Variants in USH2A observed in about 807,000 individuals in gnomAD.
USH2A encodes Usher syndrome 2A (autosomal recessive, mild).
Under a neutral mutation model 538.9 loss-of-function variants are expected in USH2A, and 443 were observed. The ratio of observed to expected loss-of-function variants is 0.82; its 90% CI spans 0.76 to 0.89. The LOEUF (loss-of-function observed/expected upper bound fraction) is 0.89. USH2A is among the 40% of genes least tolerant of loss of function. USH2A has a pLI of 0.00. For missense variants in USH2A, 6,633 were observed against 6,324.8 expected (o/e 1.05, Z -1.65); for synonymous variants, 2,413 against 2,273.5 (o/e 1.06, Z -1.75).
chr1:215,790,123 C>T lies in USH2A; in HGVS notation c.10118G>A (p.Gly3373Glu). The T allele has an allele frequency of 6.2e-7, 1 of 1,613,846 alleles. No homozygotes were observed. Among genetic ancestry groups the T allele is most frequent in the East Asian group, 2.2e-5 (1 of 44,838 alleles). Reference sequence around the variant, plus strand: ...ATATTTCAAAGGATTATATCCAACTCCATTACAGCATTTCTGGCTCTTTGG... The same window carrying T: ...ATATTTCAAAGGATTATATCCAACTTCATTACAGCATTTCTGGCTCTTTGG... Reference protein sequence around the residue: ...LIPKSQKCCNGVGYNPLKYVC... With the variant: ...LIPKSQKCCNEVGYNPLKYVC... Residue 3373 changes from glycine (G) to glutamate (E), a missense_variant, in exon 51 of 72, where the codon GGA (glycine) becomes GAA (glutamate). Coordinates refer to ENST00000307340, the MANE Select transcript of USH2A (RefSeq NM_206933.4).
At chr1:216,087,046 A>AC in intron 23 of USH2A, 4 of 485,602 alleles carry the variant, frequency 8.2e-6, no homozygotes. Flanking sequence ...TCCTTTCTCT[A>AC]CCCATAGGCA....
intron 11 of USH2A, among the ~76,000 whole-genome samples, chr1:216,275,412 C>T (rs558403470): frequency 6.6e-6 from 1 of 152,078 alleles, no homozygotes; most frequent in African/African-American, 2.4e-5. Flanking sequence ...TTTTCCATGT[C>T]TATAGTTAAT....
chr1:216,088,871 C>T (rs2032213438), intron 23 of USH2A, 142 bp downstream of exon 23: 3 of 1,316,136 alleles, frequency 2.3e-6, no homozygotes, highest in African/African-American at 1.5e-5. Context: ...TTAGGAGCAT[C>T]CCAAAGGCAA....
chr1:216,394,281 T>G (rs1262768353), intron 3 of USH2A, among the ~76,000 whole-genome samples: 1 of 151,026 alleles, frequency 6.6e-6, no homozygotes, highest in Non-Finnish European at 1.5e-5. Context: ...TCTGAGAAAC[T>G]TTAAACATAC....
intron 6 of USH2A, among the ~76,000 whole-genome samples, chr1:216,324,682 TTAA>T (rs1158411236): frequency 3.3e-5 from 5 of 152,336 alleles, no homozygotes; most frequent in African/African-American, 1.2e-4. Context: ...TTTTTGCTAC[TTAA>T]TAAAAATAAT....
chr1:215,687,219 C>T (rs1050266329), intron 61 of USH2A, among the ~76,000 whole-genome samples: 1 of 152,090 alleles, frequency 6.6e-6, no homozygotes, highest in African/African-American at 2.4e-5. Context: ...ATGGATTAGG[C>T]AGGGGACAAT....
intron 21 of USH2A, among the ~76,000 whole-genome samples, chr1:216,119,696 T>TTAAC (rs1323389080): frequency 6.6e-6 from 1 of 152,186 alleles, no homozygotes; most frequent in African/African-American, 2.4e-5. Flanking sequence ...TTTCACTGCC[T>TTAAC]TAACAGAGGC....
intron 44 of USH2A, among the ~76,000 whole-genome samples, chr1:215,846,479 GTT>G (rs1257407918): frequency 2.6e-5 from 4 of 152,158 alleles, no homozygotes; most frequent in Non-Finnish European, 5.9e-5. Context: ...CTCCCAGACT[GTT>G]GGGATTAGAG....
chr1:215,923,752 T>C (rs61828487), intron 38 of USH2A, among the ~76,000 whole-genome samples: 23,511 of 152,020 alleles, frequency 0.15, 1,952 homozygotes, highest in African/African-American at 0.18. Context: ...AAGAGCATGA[T>C]AGTAATCATT....
intron 15 of USH2A, among the ~76,000 whole-genome samples, chr1:216,210,990 CA>C (rs1382862794): frequency 9.5e-6 from 1 of 105,592 alleles, no homozygotes; most frequent in Non-Finnish European, 1.9e-5. Context: ...ACAACAACAA[CA>C]AAAAGGGTGT....
At chr1:216,053,511 C>T (rs17585810) in intron 30 of USH2A, among the ~76,000 whole-genome samples, 5,394 of 146,228 alleles carry the variant, frequency 0.037, 162 homozygotes, top group Non-Finnish European at 0.056. Context: ...CAGATGACCT[C>T]GCAAACTGCC....
intron 37 of USH2A, among the ~76,000 whole-genome samples, chr1:215,951,003 G>A (rs1666899141): frequency 6.6e-6 from 1 of 152,076 alleles, no homozygotes; most frequent in African/African-American, 2.4e-5. Flanking sequence ...CAAGACACCA[G>A]CTCCTGGATT....
intron 9 of USH2A, among the ~76,000 whole-genome samples, chr1:216,319,456 T>C (rs998488903): frequency 6.6e-6 from 1 of 152,120 alleles, no homozygotes; most frequent in African/African-American, 2.4e-5. Flanking sequence ...CATAATATAC[T>C]AATGAAATCA....
At chr1:215,796,420 T>TG (rs1160547013) in intron 50 of USH2A, among the ~76,000 whole-genome samples, 1 of 151,488 alleles carries the variant, frequency 6.6e-6, no homozygotes, top group Non-Finnish European at 1.5e-5. Flanking sequence ...TTGTTATATT[T>TG]TTATATTTTT....
rs540586471 is a variant in USH2A, at chr1:215,795,784, A to G, written c.9958+3123T>C. 2.6e-5 allele frequency among the ~76,000 whole-genome samples: 4 copies of G among 152,298 alleles called. No homozygotes were observed. The South Asian group carries it at 8.3e-4, about 32-fold the overall frequency. On this transcript the variant is annotated intron_variant, in intron 50 of 71. Transcript: ENST00000307340. The stretch of plus-strand genomic sequence containing the variant: ...TAATTAGTTGCCATAATTTTCTAGT[A>G]GACGTTACTATGACTTTAAGCAGTG...
intron 32 of USH2A, among the ~76,000 whole-genome samples, chr1:216,010,088 T>C (rs982390509): frequency 4.6e-5 from 7 of 152,176 alleles, no homozygotes; most frequent in African/African-American, 1.4e-4. Flanking sequence ...AATTAAATTC[T>C]GGCCCTCAAA....
At chr1:215,766,882 T>C in intron 55 of USH2A, 94 bp from the exon 56 acceptor site, 4 of 1,160,640 alleles carry the variant, frequency 3.4e-6, no homozygotes, top group Non-Finnish European at 5.1e-6. Context: ...GTAGATATGA[T>C]AGCCAAAACA....
intron 56 of USH2A, among the ~76,000 whole-genome samples, chr1:215,764,100 T>C (rs1467715473): frequency 6.6e-6 from 1 of 152,124 alleles, no homozygotes; most frequent in Non-Finnish European, 1.5e-5. Context: ...AGTAGACCAG[T>C]AAATACATAG....
At chr1:216,373,408 T>C (rs2038753539) in intron 3 of USH2A, among the ~76,000 whole-genome samples, 2 of 152,204 alleles carry the variant, frequency 1.3e-5, no homozygotes, top group Admixed American at 1.3e-4. Context: ...ACTTCCTCTG[T>C]CCATTTTCTC....
Sources: allele counts gnomAD v4.1 joint callset (sites outside exome capture counted in the v4.1 genomes callset), GRCh38; gene constraint gnomAD v4.1.1; transcripts MANE v1.5; gene names NCBI Gene and HGNC (gene_info 2026-07-23, HGNC 2026-07-21).